Variants in DBF4 observed in about 807,000 individuals in gnomAD.
DBF4 encodes protein DBF4 homolog A.
In DBF4, 25 loss-of-function variants were observed where a neutral mutation model predicts 76.6. The observed-to-expected ratio is 0.33, with a 90% CI of 0.24 to 0.46. The LOEUF is 0.46. Ranked by LOEUF, DBF4 falls within the 20% of genes least tolerant of loss-of-function variation. DBF4 has a pLI of 1.00. For synonymous variants in DBF4, 213 were observed against 258.0 expected, an observed-to-expected ratio of 0.83 and a Z score of 1.67; for missense variants, 638 against 760.8, an observed-to-expected ratio of 0.84 and a Z score of 1.90.
intron 6 of DBF4, among the ~76,000 whole-genome samples, chr7:87,892,244 T>C (rs558604661): frequency 2.6e-5 from 4 of 152,344 alleles, no homozygotes; most frequent in African/African-American, 9.6e-5. Context: ...CTTCCGTGTT[T>C]ATCCCCCCAT....
chr7:87,891,172 CTTTT>C (rs200764553), intron 6 of DBF4, among the ~76,000 whole-genome samples: 1 of 119,148 alleles, frequency 8.4e-6, no homozygotes, highest in Non-Finnish European at 1.8e-5. Context: ...TTGGGCTTTT[CTTTT>C]TTTTTTTTTT....
rs567676674 is a variant in DBF4, at chr7:87,904,360, A to G, written c.993A>G (p.Val331=). ...SNQYQVVDDI[V]SKLVFDFVEY... ...AGTATCAAGTTGTTGATGATATTGT[A>G]TCTAAGTTAGTTTTTGACTTTGTGG... The change falls in exon 11 of 12, where the codon GTA becomes GTG. Residue 331 remains valine, a synonymous_variant. Coordinates refer to ENST00000265728, the MANE Select transcript of DBF4 (RefSeq NM_006716.4). 2.2e-5 allele frequency: 36 copies of G among 1,613,900 alleles called. No individual in the cohort carries two copies. The African/African-American group carries it at 3.6e-4, about 16-fold the overall frequency.
intron 11 of DBF4, among the ~76,000 whole-genome samples, chr7:87,905,091 C>T (rs1176260661): frequency 6.6e-6 from 1 of 152,188 alleles, no homozygotes; most frequent in Non-Finnish European, 1.5e-5. Context: ...GTTGGGATTA[C>T]AGGCGTGTGC....
At position 87,907,431 on chromosome 7, in the gene DBF4, T is replaced by G. The variant is rs1562768661; in HGVS notation, c.1293T>G (p.Ser431Arg). Residue 431 changes from serine (S) to arginine (R), a missense_variant, in exon 12 of 12, where the codon AGT (serine) becomes AGG (arginine). Physicochemically the swap from Ser to Arg is moderately radical, Grantham distance 110 (BLOSUM62 -1). Coordinates refer to ENST00000265728, the MANE Select transcript of DBF4 (RefSeq NM_006716.4). ...NELRGLNEKMSNKCSMLSTAE... is the reference protein window; with the variant it reads ...NELRGLNEKMRNKCSMLSTAE... ...TGAGAGGGCTTAATGAGAAAATGAG[T>G]AATAAATGTTCCATGTTAAGTACAG... is the stretch of plus-strand genomic sequence containing the variant. The G allele has an allele frequency of 9.9e-6, 16 of 1,613,892 alleles. No homozygotes were observed. The highest frequency in any genetic ancestry group is 1.3e-5 in the Non-Finnish European group (15 of 1,179,924).
chr7:87,878,031 T>C, intron 1 of DBF4, 22 bp from the exon 2 acceptor site: 1 of 1,541,146 alleles, frequency 6.5e-7, no homozygotes, highest in Non-Finnish European at 8.8e-7. Context: ...GTAAAACATC[T>C]GATTCTAAAC....
In DBF4 at chr7:87,884,994, C is replaced by G. The variant is rs753453483; in HGVS notation, c.235C>G (p.Leu79Val). 6.2e-7 allele frequency: 1 copy of G among 1,609,138 alleles called. No homozygotes were observed. Among genetic ancestry groups the G allele is most frequent in the Non-Finnish European group, 8.5e-7 (1 of 1,177,246 alleles). ...TCTCTTCTAGCGAGTTGAAGAATTT[C>G]TCAGCAAAGATATCAGTTATCTTAT... Reference protein sequence around the residue: ...KDLGGRVEEFLSKDISYLISN... With the variant: ...KDLGGRVEEFVSKDISYLISN... The change falls in exon 3 of 12, where the codon CTC becomes GTC. Residue 79 changes from leucine to valine, a missense_variant. By Grantham distance (32) the Leu-to-Val change is conservative. Coordinates refer to ENST00000265728, the MANE Select transcript of DBF4 (RefSeq NM_006716.4).
chr7:87,883,659 T>A (rs1229469926), intron 2 of DBF4, among the ~76,000 whole-genome samples: 2 of 152,206 alleles, frequency 1.3e-5, no homozygotes, highest in Non-Finnish European at 2.9e-5. Context: ...AGAAATGATT[T>A]GCACTTAACC....
At chr7:87,893,496 C>T (rs556263552) in intron 6 of DBF4, among the ~76,000 whole-genome samples, 51 of 152,100 alleles carry the variant, frequency 3.4e-4, no homozygotes, top group African/African-American at 1.1e-3. Flanking sequence ...CCACCCGCCT[C>T]GGCCTCCCAA....
chr7:87,908,403 G>T lies in DBF4; in HGVS notation c.*240G>T. 3.6e-6 allele frequency: 1 copy of T among 278,484 alleles called. No homozygotes were observed. The highest frequency in any genetic ancestry group is 6.4e-6 in the Non-Finnish European group (1 of 155,412). 17.3% of individuals were successfully genotyped at this position (278,484 alleles called of 1,614,324 possible). On this transcript the variant is annotated 3_prime_UTR_variant, in exon 12 of 12. Transcript: ENST00000265728. Reference sequence around the variant, plus strand: ...ATATATGTTCGTAATTGTTTCCTGAGAATTACAATGAATAATAATTTGCTT... The same window carrying T: ...ATATATGTTCGTAATTGTTTCCTGATAATTACAATGAATAATAATTTGCTT...
chr7:87,893,709 T>C (rs1035025967), intron 6 of DBF4, among the ~76,000 whole-genome samples: 1 of 152,218 alleles, frequency 6.6e-6, no homozygotes, highest in Non-Finnish European at 1.5e-5. Flanking sequence ...ATTTAACATA[T>C]CTATATATTT....
chr7:87,898,126 G>A (rs1315122577), intron 8 of DBF4, among the ~76,000 whole-genome samples: 6 of 152,232 alleles, frequency 3.9e-5, no homozygotes, highest in Admixed American at 3.9e-4. Flanking sequence ...GGCCTGCCAT[G>A]AGAGAATTAG....
intron 2 of DBF4, among the ~76,000 whole-genome samples, chr7:87,879,874 A>G (rs1333929547): frequency 6.6e-6 from 1 of 151,712 alleles, no homozygotes; most frequent in African/African-American, 2.4e-5. Flanking sequence ...CATCACTTGA[A>G]CCTGGGAGGC....
chr7:87,888,636 A>G (rs1839417618), intron 6 of DBF4, among the ~76,000 whole-genome samples: 1 of 152,164 alleles, frequency 6.6e-6, no homozygotes, highest in Non-Finnish European at 1.5e-5. Flanking sequence ...ACCTCCCTTG[A>G]TCCCACATCC....
At chr7:87,881,731 T>G (rs1219106830) in intron 2 of DBF4, among the ~76,000 whole-genome samples, 1 of 152,228 alleles carries the variant, frequency 6.6e-6, no homozygotes, top group Non-Finnish European at 1.5e-5. Flanking sequence ...CTTTGTCTAG[T>G]GGAAACCTCA....
intron 6 of DBF4, among the ~76,000 whole-genome samples, chr7:87,890,399 G>A (rs933845501): frequency 6.6e-6 from 1 of 151,922 alleles, no homozygotes; most frequent in African/African-American, 2.4e-5. Context: ...CGGTGTGGTG[G>A]TGCATGCCTG....
chr7:87,888,076 A>G lies in DBF4; in HGVS notation c.597+17A>G, dbSNP rs780157169. ...AGAGATGGGGTATGTTTTCTTTTTCAATTTTTAAAGTGACCAAGCTTGGTT... is the reference window on the plus strand; with the variant it reads ...AGAGATGGGGTATGTTTTCTTTTTCGATTTTTAAAGTGACCAAGCTTGGTT... On this transcript the variant is annotated intron_variant, in intron 6 of 11. Transcript: ENST00000265728. 1 of 1,543,792 alleles carries G rather than the reference A, an allele frequency of 6.5e-7. No individual in the cohort carries two copies. The highest frequency in any genetic ancestry group is 8.7e-7 in the Non-Finnish European group (1 of 1,151,642).
chr7:87,897,810 T>C (rs1157721206), intron 8 of DBF4, among the ~76,000 whole-genome samples: 2 of 152,240 alleles, frequency 1.3e-5, no homozygotes, highest in African/African-American at 2.4e-5. Context: ...AGTCTTGCTC[T>C]GTCACCCAGG....
chr7:87,892,843 C>T (rs1406433375), intron 6 of DBF4, among the ~76,000 whole-genome samples: 4 of 152,190 alleles, frequency 2.6e-5, no homozygotes, highest in Non-Finnish European at 2.9e-5. Flanking sequence ...AATTTTTCAG[C>T]TATCTTTCTG....
chr7:87,906,287 C>T (rs1258921582), intron 11 of DBF4, among the ~76,000 whole-genome samples: 2 of 151,688 alleles, frequency 1.3e-5, no homozygotes, highest in Non-Finnish European at 2.9e-5. Flanking sequence ...GGGCAAGTGT[C>T]CTAAACATCT....
Sources: gnomAD v4.1 joint callset for allele counts (sites outside exome capture counted in the v4.1 genomes callset) on GRCh38, gnomAD v4.1.1 for gene constraint, MANE v1.5 for transcripts, NCBI Gene and HGNC (gene_info 2026-07-23, HGNC 2026-07-21) for gene names.